The following ZSWIM4 variants were observed in gnomAD, a reference collection of about 807,000 sequenced individuals.
ZSWIM4 encodes the protein zinc finger SWIM-type containing 4.
In ZSWIM4, 62 loss-of-function variants were observed where a neutral mutation model predicts 102.5. The observed-to-expected ratio is 0.60, with a 90% confidence interval of 0.49 to 0.75. ZSWIM4 has a LOEUF of 0.75. Ranked by LOEUF, ZSWIM4 falls within the 30% of genes least tolerant of loss-of-function variation. The pLI is 0.00. For synonymous variants in ZSWIM4, 652 were observed against 674.5 expected (o/e 0.97, Z 0.52); for missense variants, 1,280 against 1,529.6 (o/e 0.84, Z 2.72).
In ZSWIM4 at chr19:13,805,832, G is replaced by A. The variant is rs551684936; in HGVS notation, c.712+684G>A. On this transcript the variant is annotated intron_variant, in intron 3 of 13. Coordinates refer to ENST00000590508, the MANE Select transcript of ZSWIM4 (RefSeq NM_001367834.3). ...ACCAAAATATAAAAATTAGCCGGGC[G>A]TGGTGGTGGGTGCCTGTAGTCCCAG... Among the ~76,000 whole-genome samples the A allele has an allele frequency of 1.2e-3, 187 of 151,684 alleles. 1 individual carries two copies. The highest frequency in any genetic ancestry group is 3.4e-3 in the African/African-American group (139 of 41,390).
rs187321570 is a variant in ZSWIM4, at chr19:13,806,437, A to C, written c.712+1289A>C. Among the ~76,000 whole-genome samples the C allele has an allele frequency of 5.1e-3, 770 of 152,000 alleles. 1 individual carries two copies. Among genetic ancestry groups the C allele is most frequent in the Non-Finnish European group, 8.0e-3 (541 of 67,960 alleles). On this transcript the variant is annotated intron_variant, in intron 3 of 13. Transcript: ENST00000590508. ...AATCCCAGCATTTGGGAGGCTGAGG[A>C]AGGAGGATCACTCGAGACCAGCAGT...
chr19:13,830,126 C>T, intron 13 of ZSWIM4, 65 bp from the exon 14 acceptor site: 1 of 1,552,422 alleles, frequency 6.4e-7, no homozygotes, highest in Non-Finnish European at 8.7e-7. Flanking sequence ...ATGGTTAACC[C>T]ACGCATACAT....
At chr19:13,811,789 A>G (rs2145306636) in intron 5 of ZSWIM4, among the ~76,000 whole-genome samples, 1 of 151,036 alleles carries the variant, frequency 6.6e-6, no homozygotes, top group African/African-American at 2.4e-5. Context: ...AAAACTGGAA[A>G]AATAGGCCGG....
intron 10 of ZSWIM4, among the ~76,000 whole-genome samples, chr19:13,819,897 G>A (rs924610224): frequency 1.2e-3 from 177 of 148,948 alleles, no homozygotes; most frequent in Middle Eastern, 6.9e-3. Context: ...AGGCTGGAGT[G>A]CAGTGGCGCG....
chr19:13,817,470 AC>A, intron 8 of ZSWIM4, 117 bp downstream of exon 8: 1 of 1,351,292 alleles, frequency 7.4e-7, no homozygotes, highest in Non-Finnish European at 1.0e-6. Flanking sequence ...CCACGCCCCT[AC>A]CCTTGGCTAC....
chr19:13,811,966 T>C (rs950135770), intron 5 of ZSWIM4, among the ~76,000 whole-genome samples: 3 of 151,696 alleles, frequency 2.0e-5, no homozygotes, highest in African/African-American at 4.8e-5. Flanking sequence ...TCCCAGCTAC[T>C]TGGGAGGCTG....
At chr19:13,816,522 G>A (rs1019701257) in intron 7 of ZSWIM4, among the ~76,000 whole-genome samples, 2 of 152,118 alleles carry the variant, frequency 1.3e-5, no homozygotes, top group Admixed American at 1.3e-4. Flanking sequence ...AGCTACTCAG[G>A]ACACTGAGGC....
chr19:13,801,985 T>C (rs1298332761), intron 2 of ZSWIM4, among the ~76,000 whole-genome samples: 2 of 140,378 alleles, frequency 1.4e-5, no homozygotes, highest in Non-Finnish European at 3.1e-5. Flanking sequence ...TTTTTTTTTT[T>C]TTTTTTTTGA....
chr19:13,798,534 C>T (rs1974669730), intron 1 of ZSWIM4, among the ~76,000 whole-genome samples: 3 of 152,286 alleles, frequency 2.0e-5, no homozygotes, highest in African/African-American at 7.2e-5. Flanking sequence ...AATCCCAAGA[C>T]CCTGCAGCTA....
At position 13,805,007 on chromosome 19, in the gene ZSWIM4, A is replaced by G; in HGVS notation, c.571A>G (p.Thr191Ala). Residue 191 changes from threonine (T) to alanine (A), a missense_variant, in exon 3 of 14, where the codon ACG becomes GCG. Thr to Ala is a moderately conservative substitution (Grantham distance 58, BLOSUM62 0). Transcript: ENST00000590508. ...QVELRLPISE[T>A]LSQMNRDQLQ... is the part of the protein sequence containing the mutation. Reference sequence around the variant, plus strand: ...GGAGCTGCGGCTGCCCATCTCCGAGACGCTCTCCCAGATGAACCGGGACCA... The same window carrying G: ...GGAGCTGCGGCTGCCCATCTCCGAGGCGCTCTCCCAGATGAACCGGGACCA... The G allele has an allele frequency of 6.2e-7, 1 of 1,612,366 alleles. No individual in the cohort carries two copies. The highest frequency in any genetic ancestry group is 1.1e-5 in the South Asian group (1 of 91,070).
intron 2 of ZSWIM4, among the ~76,000 whole-genome samples, chr19:13,803,325 C>A (rs904962015): frequency 1.3e-5 from 2 of 152,184 alleles, no homozygotes; most frequent in African/African-American, 4.8e-5. Flanking sequence ...GACACCTGGC[C>A]CCTGGCTTAC....
rs1975731868 is a variant in ZSWIM4 at position 13,830,507 on chromosome 19, C to T, written c.2778C>T (p.Ala926=). The T allele has an allele frequency of 5.6e-6, 9 of 1,600,388 alleles. No individual in the cohort carries two copies. The highest frequency in any genetic ancestry group is 7.6e-6 in the Non-Finnish European group (9 of 1,179,544). The change falls in exon 14 of 14, where the codon GCC becomes GCT. Residue 926 remains alanine, a synonymous_variant. Transcript: ENST00000590508. ...GCCACGCCCACCTCTTCACTGTGGC[C>T]CGCTATATGGAGCACCGCGGGCTGC... ...GLGHAHLFTV[A]RYMEHRGLPL...
At chr19:13,816,842 G>C (rs926483161) in intron 7 of ZSWIM4, among the ~76,000 whole-genome samples, 36 of 152,150 alleles carry the variant, frequency 2.4e-4, no homozygotes, top group African/African-American at 8.4e-4. Flanking sequence ...GGCCCTAAAG[G>C]CTGTTGGGGC....
intron 2 of ZSWIM4, among the ~76,000 whole-genome samples, chr19:13,801,671 CTTT>C (rs755133549): frequency 4.8e-5 from 6 of 125,488 alleles, no homozygotes; most frequent in Admixed American, 3.9e-4. Flanking sequence ...GTTTAGAATT[CTTT>C]TTTTTTTTTT....
chr19:13,809,991 C>CTT lies in ZSWIM4; in HGVS notation c.1012+783_1012+784dup, dbSNP rs368996612. 2.4e-4 allele frequency among the ~76,000 whole-genome samples: 34 copies of CTT among 142,740 alleles called. No homozygotes were observed. Among genetic ancestry groups the CTT allele is most frequent in the South Asian group, 4.4e-4 (2 of 4,520 alleles). The allele number at this position is 142,740 out of a possible 152,430, so 93.6% of individuals were successfully genotyped here. ...TTGTTTGTTTGTTTTCTTTTCTTTT[C>CTT]TTTTTTTTTTTTTGAGAAGGAGTCT... On this transcript the variant is annotated intron_variant, in intron 5 of 13. Transcript: ENST00000590508. The surrounding 1 kb of genome is among the most constrained non-coding windows in gnomAD (Gnocchi z 4.2).
At chr19:13,824,833 C>T (rs1416873342) in intron 11 of ZSWIM4, among the ~76,000 whole-genome samples, 2 of 151,796 alleles carry the variant, frequency 1.3e-5, no homozygotes, top group Non-Finnish European at 2.9e-5. Flanking sequence ...AGTATGGGCC[C>T]ACCACCACCC....
chr19:13,815,160 T>A (rs1454649843), intron 7 of ZSWIM4: 1 of 155,258 alleles, frequency 6.4e-6, no homozygotes. Flanking sequence ...AGACCTCATC[T>A]CTTTTTTTTT....
At chr19:13,802,613 CT>C (rs1974804681) in intron 2 of ZSWIM4, among the ~76,000 whole-genome samples, 1 of 151,840 alleles carries the variant, frequency 6.6e-6, no homozygotes, top group South Asian at 2.1e-4. Context: ...GGGTCTCACT[CT>C]GTTGCCCAGG....
intron 1 of ZSWIM4, among the ~76,000 whole-genome samples, chr19:13,798,676 C>T (rs993075052): frequency 6.6e-6 from 1 of 152,186 alleles, no homozygotes; most frequent in Non-Finnish European, 1.5e-5. Flanking sequence ...AGGTTGGTGC[C>T]GTGGACCTCC....
Sources: allele counts gnomAD v4.1 joint callset (sites outside exome capture counted in the v4.1 genomes callset), GRCh38; gene constraint gnomAD v4.1.1; non-coding constraint Gnocchi (gnomAD v3.1); transcripts MANE v1.5; gene names NCBI Gene and HGNC (gene_info 2026-07-23, HGNC 2026-07-21).